The following NAA11 variants were observed in gnomAD, a reference collection of about 807,000 sequenced individuals.
NAA11 encodes the protein N-alpha-acetyltransferase 11, NatA catalytic subunit, also known as N-alpha-acetyltransferase 11.
In NAA11, 15 loss-of-function variants were observed where a neutral mutation model predicts 16.1. That is an observed-to-expected ratio of 0.93 (90% CI 0.62 to 1.44). The LOEUF (loss-of-function observed/expected upper bound fraction) is 1.44. Among genes scored for constraint, NAA11 ranks in the 40% most tolerant of loss-of-function variants. The pLI is 0.00. For missense variants in NAA11, 298 were observed against 291.3 expected (o/e 1.02, Z -0.17); for synonymous variants, 122 against 112.4 (o/e 1.09, Z -0.54).
chr4:79,170,933 CAA>C, the NAA11 span, among the ~76,000 whole-genome samples: 23 of 151,350 alleles, frequency 1.5e-4, no homozygotes, highest in East Asian at 9.7e-4. Flanking sequence ...CACAAAAAAA[CAA>C]AAAAAAAATA....
chr4:79,190,655 T>G, the NAA11 span, among the ~76,000 whole-genome samples: 9 of 152,090 alleles, frequency 5.9e-5, no homozygotes, highest in Non-Finnish European at 8.8e-5. Flanking sequence ...CTTTATTGTT[T>G]ATTTTTTTAA....
the NAA11 span, among the ~76,000 whole-genome samples, chr4:79,191,353 C>CT: frequency 7.1e-6 from 1 of 140,156 alleles, no homozygotes; most frequent in African/African-American, 2.7e-5. Context: ...TTTTTTTTTA[C>CT]TTTTTAATAA....
At chr4:79,161,623 T>G in the NAA11 span, among the ~76,000 whole-genome samples, 1 of 152,172 alleles carries the variant, frequency 6.6e-6, no homozygotes, top group Admixed American at 6.5e-5. Context: ...TATTTCCATC[T>G]TAGCAATATT....
At chr4:79,181,757 A>T in the NAA11 span, among the ~76,000 whole-genome samples, 1 of 152,206 alleles carries the variant, frequency 6.6e-6, no homozygotes, top group Non-Finnish European at 1.5e-5. Context: ...CGAACTTATG[A>T]TGACACTGAT....
At chr4:79,175,347 T>C in the NAA11 span, among the ~76,000 whole-genome samples, 2 of 152,118 alleles carry the variant, frequency 1.3e-5, no homozygotes, top group African/African-American at 4.8e-5. Context: ...CAAGTTATCA[T>C]GTCCTTTATT....
At chr4:79,250,057 C>T (rs1441617780) in intron 2 of NAA11, among the ~76,000 whole-genome samples, 1 of 152,218 alleles carries the variant, frequency 6.6e-6, no homozygotes, top group Non-Finnish European at 1.5e-5. Context: ...TCATCCCCAG[C>T]CAAGGGAGTT....
At chr4:79,225,980 AAAGTTATATCCTTCCC>A in exon 3 of NAA11, 1 of 152,110 alleles carries the variant, frequency 6.6e-6, no homozygotes. Flanking sequence ...ATTCTGTGGA[AAAGTTATATCCTTCCC>A]AAGTTAGCTC....
the NAA11 span, among the ~76,000 whole-genome samples, chr4:79,187,481 TTGAC>T: frequency 1.3e-5 from 2 of 152,206 alleles, no homozygotes; most frequent in East Asian, 3.9e-4. Flanking sequence ...GTTCTTCCCA[TTGAC>T]TGAGGCTGTT....
chr4:79,314,762 G>C (rs111369522), downstream of NAA11, among the ~76,000 whole-genome samples: 77 of 150,944 alleles, frequency 5.1e-4, no homozygotes, highest in African/African-American at 1.8e-3. Flanking sequence ...ACGATAAATT[G>C]AGTGAGAATT....
chr4:79,269,487 G>A (rs1474483458), intron 2 of NAA11, among the ~76,000 whole-genome samples: 6 of 149,482 alleles, frequency 4.0e-5, no homozygotes, highest in Admixed American at 3.3e-4. Context: ...TTTTTTGGCT[G>A]CATAGATGTC....
At chr4:79,244,887 C>T (rs553357815) in intron 2 of NAA11, 2 of 162,018 alleles carry the variant, frequency 1.2e-5, no homozygotes, top group South Asian at 1.9e-4. Flanking sequence ...CTCGGCCTCC[C>T]GAGGTGCCGG....
chr4:79,177,279 G>A, the NAA11 span, among the ~76,000 whole-genome samples: 1 of 151,506 alleles, frequency 6.6e-6, no homozygotes. Context: ...TTCCCTTTGG[G>A]AGCATCTGAA....
intron 1 of NAA11, among the ~76,000 whole-genome samples, chr4:79,318,479 C>T (rs1425964750): frequency 1.3e-5 from 2 of 152,098 alleles, no homozygotes; most frequent in Non-Finnish European, 2.9e-5. Context: ...TAAATATTTA[C>T]TCAGTACCTT....
Position 79,248,997 on chromosome 4 carries a change from C to CT in NAA11, c.*123-22728_*123-22727insA, listed in dbSNP as rs541663138. Among the ~76,000 whole-genome samples the CT allele has an allele frequency of 2.3e-4, 35 of 152,296 alleles. No homozygotes were observed. In the East Asian group the frequency reaches 6.0e-3, roughly 26 times the overall value. ...GCAGTCTGGGAGCACTTGAGCCCCC[C>CT]CCCAGTGCAGCAGGTTCCTAACTGT... is the stretch of plus-strand genomic sequence containing the variant. On this transcript the variant is annotated intron_variant and NMD_transcript_variant, in intron 2 of 2. Coordinates refer to the NAA11 transcript ENST00000511542.
At chr4:79,247,486 A>T (rs1454741900) in intron 2 of NAA11, among the ~76,000 whole-genome samples, 3 of 152,128 alleles carry the variant, frequency 2.0e-5, no homozygotes, top group African/African-American at 7.2e-5. Flanking sequence ...AACAGTTTTT[A>T]TAGAGACAAT....
chr4:79,186,899 A>G, the NAA11 span, among the ~76,000 whole-genome samples: 13 of 152,194 alleles, frequency 8.5e-5, no homozygotes, highest in Non-Finnish European at 1.8e-4. Context: ...CGATGAACAC[A>G]GTGAGGTTTA....
At chr4:79,163,300 C>T in the NAA11 span, among the ~76,000 whole-genome samples, 1 of 152,184 alleles carries the variant, frequency 6.6e-6, no homozygotes, top group South Asian at 2.1e-4. Flanking sequence ...ATTCTAATAT[C>T]ATCTCTTGAC....
chr4:79,212,078 A>G, the NAA11 span, among the ~76,000 whole-genome samples: 1 of 152,214 alleles, frequency 6.6e-6, no homozygotes, highest in Admixed American at 6.5e-5. Flanking sequence ...GAAATTCTGT[A>G]TAGCAGATGC....
chr4:79,318,412 C>T (rs1487329223), intron 1 of NAA11, among the ~76,000 whole-genome samples: 3 of 152,062 alleles, frequency 2.0e-5, no homozygotes, highest in African/African-American at 7.2e-5. Context: ...TTTTTCTCTC[C>T]TTTAAAAAAA....
Sources: gnomAD v4.1 joint callset for allele counts (sites outside exome capture counted in the v4.1 genomes callset) on GRCh38, gnomAD v4.1.1 for gene constraint, MANE v1.5 for transcripts, NCBI Gene and HGNC (gene_info 2026-07-23, HGNC 2026-07-21) for gene names.